The following BRD8 variants were observed in gnomAD, a reference collection of about 807,000 sequenced individuals.
The protein encoded by BRD8 is bromodomain containing 8, also known as bromodomain-containing protein 8.
A neutral mutation model predicts 143.1 loss-of-function variants in BRD8; 67 were observed. The observed-to-expected ratio is 0.47, with a 90% CI of 0.38 to 0.57. The LOEUF (loss-of-function observed/expected upper bound fraction) is 0.57, where lower values mean the gene tolerates loss of function less well. BRD8 is among the 20% of genes least tolerant of loss of function. The pLI is 0.00. For synonymous variants in BRD8, 505 were observed against 517.1 expected (o/e 0.98, Z 0.32); for missense variants, 1,103 against 1,503.0 (o/e 0.73, Z 4.40).
intron 18 of BRD8, 58 bp from the exon 19 acceptor site, chr5:138,160,231 A>C: frequency 8.4e-7 from 1 of 1,183,978 alleles, no homozygotes; most frequent in Non-Finnish European, 1.3e-6. Flanking sequence ...GGACAAATTA[A>C]GTACACTTTA....
intron 23 of BRD8, 145 bp downstream of exon 23, chr5:138,149,495 G>A: frequency 1.6e-6 from 1 of 643,582 alleles, no homozygotes. Context: ...TTTATATGAT[G>A]TTAAAATTAT....
Position 138,160,078 on chromosome 5 carries a change from A to C in BRD8, c.2523T>G (p.Ala841=), listed in dbSNP as rs778411376. ...RGRDSTRKQD[A]SEKDSVPMGS... is the part of the protein sequence containing the mutation. ...TTCCTGATCGCCTCACCTTCTCTGA[A>C]GCATCCTGTTTGCGGGTAGAATCTC... Residue 841 remains alanine (A), a synonymous_variant, in exon 19 of 27, where the codon GCT becomes GCG. Coordinates refer to ENST00000254900, the MANE Select transcript of BRD8 (RefSeq NM_139199.2). The C allele has an allele frequency of 1.9e-6, 3 of 1,613,536 alleles. No homozygotes were observed. The African/African-American group carries it at 4.0e-5, about 22-fold the overall frequency.
chr5:138,167,444 A>G (rs1753529051), intron 9 of BRD8, among the ~76,000 whole-genome samples: 1 of 152,150 alleles, frequency 6.6e-6, no homozygotes, highest in Non-Finnish European at 1.5e-5. Context: ...ATGGTATTCT[A>G]TGGAGCTTTT....
intron 20 of BRD8, chr5:138,157,338 T>C (rs190873320): frequency 8.8e-6 from 14 of 1,592,726 alleles, no homozygotes; most frequent in East Asian, 2.2e-5. Flanking sequence ...AACAGAAAAG[T>C]TGGGGATTTG....
At chr5:138,165,303 A>G (rs1753310473) in intron 11 of BRD8, 137 bp from the exon 12 acceptor site, 1 of 894,914 alleles carries the variant, frequency 1.1e-6, no homozygotes, top group Non-Finnish European at 1.7e-6. Context: ...CAAACAATGA[A>G]GAGGCACCTG....
intron 11 of BRD8, 147 bp downstream of exon 11, chr5:138,165,681 G>A (rs193137347): frequency 2.5e-4 from 217 of 881,728 alleles, no homozygotes; most frequent in Non-Finnish European, 3.4e-4. Flanking sequence ...AGCCAAGATC[G>A]TGCCACTGCA....
intron 9 of BRD8, 41 bp from the exon 10 acceptor site, chr5:138,166,768 G>A: frequency 1.6e-6 from 2 of 1,265,160 alleles, no homozygotes; most frequent in Non-Finnish European, 2.3e-6. Context: ...TAAGAAGAAA[G>A]CACATAAATA....
intron 23 of BRD8, among the ~76,000 whole-genome samples, chr5:138,146,885 G>A (rs1413024463): frequency 2.0e-5 from 3 of 150,062 alleles, no homozygotes; most frequent in African/African-American, 7.4e-5. Flanking sequence ...CAGGAGAATG[G>A]TGTGAACCTA....
rs774999435 is a variant in BRD8 at position 138,164,361 on chromosome 5, T to A, written c.1784A>T (p.Asp595Val). Residue 595 changes from aspartate (D) to valine (V), a missense_variant, in exon 13 of 27, where the codon GAT becomes GTT. Physicochemically the swap from Asp to Val is radical, Grantham distance 152. This residue lies in a region of BRD8 where 139 missense variants were observed against 139.0 expected (regional missense o/e 1.00). Coordinates refer to ENST00000254900, the MANE Select transcript of BRD8 (RefSeq NM_139199.2). ...SPSHGSNPIE[D>V]PLEAETQHKF... ...GTGCTGAGTCTCTGCCTCTAAAGGA[T>A]CTTCAATGGGATTTGAGCCATGTGA... 6.2e-7 allele frequency: 1 copy of A among 1,614,146 alleles called. No individual in the cohort carries two copies. The highest frequency in any genetic ancestry group is 8.5e-7 in the Non-Finnish European group (1 of 1,180,010).
chr5:138,168,248 G>A (rs1490239359), intron 8 of BRD8, among the ~76,000 whole-genome samples, 170 bp from the exon 9 acceptor site: 1 of 152,164 alleles, frequency 6.6e-6, no homozygotes, highest in East Asian at 1.9e-4. Flanking sequence ...AAACTTATTT[G>A]ACAAGAGTTC....
chr5:138,174,156 T>TTTTGTG (rs144723933), intron 2 of BRD8, among the ~76,000 whole-genome samples: 3 of 149,494 alleles, frequency 2.0e-5, no homozygotes, highest in East Asian at 3.9e-4. Context: ...CAGTATTCCA[T>TTTTGTG]TGTGTGTGTG....
chr5:138,177,956 T>G (rs1754497198), intron 1 of BRD8, among the ~76,000 whole-genome samples: 1 of 152,162 alleles, frequency 6.6e-6, no homozygotes. Flanking sequence ...GATTAGGCAG[T>G]TCTCCCTAAA....
chr5:138,146,036 TC>T (rs1469653592), intron 23 of BRD8, among the ~76,000 whole-genome samples, 158 bp from the exon 24 acceptor site: 1 of 152,168 alleles, frequency 6.6e-6, no homozygotes, highest in Non-Finnish European at 1.5e-5. Context: ...GTTATTAATA[TC>T]TATTGTTTTC....
chr5:138,158,318 T>C (rs1244973827), intron 20 of BRD8, among the ~76,000 whole-genome samples: 1 of 152,200 alleles, frequency 6.6e-6, no homozygotes, highest in Admixed American at 6.5e-5. Flanking sequence ...TGTCCCATAA[T>C]GAACAACACA....
In BRD8 at chr5:138,140,026, T is replaced by A. The variant is rs1375023565; in HGVS notation, c.*48A>T. The A allele has an allele frequency of 1.4e-6, 2 of 1,455,152 alleles. No individual in the cohort carries two copies. Among genetic ancestry groups the A allele is most frequent in the Non-Finnish European group, 1.9e-6 (2 of 1,035,798 alleles). The allele number at this position is 1,455,152 out of a possible 1,614,324, so 90.1% of individuals were successfully genotyped here. A position where few individuals can be genotyped will look rare whatever the true frequency, so the allele number is the denominator to read the frequency against. The stretch of plus-strand genomic sequence containing the variant: ...ACCAGGATCCTCTCTAGGTCAGAGT[T>A]CCGGGAGAGATTCAAACTCTAGAAA... On this transcript the variant is annotated 3_prime_UTR_variant, in exon 27 of 27. Coordinates refer to ENST00000254900, the MANE Select transcript of BRD8 (RefSeq NM_139199.2).
chr5:138,168,559 T>C, intron 8 of BRD8: 1 of 1,609,892 alleles, frequency 6.2e-7, no homozygotes, highest in African/African-American at 1.3e-5. Context: ...TGTCCAAGCA[T>C]CTTTTTCTGG....
chr5:138,176,228 AC>A lies in BRD8; in HGVS notation c.116+1342del, dbSNP rs200975869. Among the ~76,000 whole-genome samples the A allele has an allele frequency of 3.3e-3, 504 of 152,244 alleles. 3 individuals are homozygous for A. Among genetic ancestry groups the A allele is most frequent in the African/African-American group, 0.012 (488 of 41,508 alleles). On this transcript the variant is annotated intron_variant, in intron 2 of 26. Transcript: ENST00000254900. ...GTGTTATGTCAAGTGATTAAAAAAA[AC>A]AAAAAAAAGTCCAGAAGAGCACGTA... is the stretch of plus-strand genomic sequence containing the variant.
In BRD8 at chr5:138,177,514, G is replaced by A. The variant is rs528905613; in HGVS notation, c.116+57C>T. 2.8e-4 allele frequency: 281 copies of A among 1,005,450 alleles called. 2 individuals are homozygous for A. In the South Asian group the frequency reaches 3.5e-3, roughly 13 times the overall value. 62.3% of individuals were successfully genotyped at this position (1,005,450 alleles called of 1,614,324 possible). A position where few individuals can be genotyped will look rare whatever the true frequency, so the allele number is the denominator to read the frequency against. On this transcript the variant is annotated intron_variant, in intron 2 of 26. Transcript: ENST00000254900. ...ATTAACTATAGAAATCTACCGATGT[G>A]AAAGAGTATCTAACAATTTCTAAGA...
Position 138,161,088 on chromosome 5 carries a change from G to GGGA in BRD8, c.2250-21_2250-20insTCC. 1 of 1,591,342 alleles carries GGGA rather than the reference G, an allele frequency of 6.3e-7. No individual in the cohort carries two copies. The highest frequency in any genetic ancestry group is 8.6e-7 in the Non-Finnish European group (1 of 1,166,252). ...ATAGGCCTAAAAAAAAAGAACAGGGGTAAGTAGCAGTGGGGATGGAAAGAG... is the reference window on the plus strand; with the variant it reads ...ATAGGCCTAAAAAAAAAGAACAGGGGGGATAAGTAGCAGTGGGGATGGAAAGAG... On this transcript the variant is annotated intron_variant, in intron 17 of 26. Transcript: ENST00000254900.
Sources: gnomAD v4.1 joint callset for allele counts (sites outside exome capture counted in the v4.1 genomes callset) on GRCh38, gnomAD v4.1.1 for gene constraint, gnomAD v4.1.1 regional missense constraint, MANE v1.5 for transcripts, NCBI Gene and HGNC (gene_info 2026-07-23, HGNC 2026-07-21) for gene names.